Variants in ABCC9 observed in about 807,000 individuals in gnomAD.
ABCC9 encodes the protein ATP binding cassette subfamily C member 9.
ABCC9 carries 95 observed loss-of-function variants against 188.3 expected under a neutral mutation model. The observed-to-expected ratio is 0.50, with a 90% confidence interval of 0.43 to 0.60. The LOEUF (loss-of-function observed/expected upper bound fraction) is 0.60, where lower values mean the gene tolerates loss of function less well. ABCC9 is among the 20% of genes least tolerant of loss of function. The pLI, the probability that ABCC9 is intolerant of heterozygous loss-of-function variation, is 0.00. For synonymous variants in ABCC9, 659 were observed against 652.7 expected (o/e 1.01, Z -0.15); for missense variants, 1,102 against 1,876.3 (o/e 0.59, Z 7.62).
At chr12:21,896,919 C>G (rs1422847944) in intron 12 of ABCC9, among the ~76,000 whole-genome samples, 1 of 152,138 alleles carries the variant, frequency 6.6e-6, no homozygotes, top group Non-Finnish European at 1.5e-5. Context: ...GATTTACATT[C>G]CTTTGGGTAT....
chr12:21,816,036 GTTTTTTTTTTTTTTTTTT>G (rs10611051), intron 33 of ABCC9, 143 bp from the exon 34 acceptor site: 1,116 of 58,112 alleles, frequency 0.019, 10 homozygotes, highest in African/African-American at 0.059. Flanking sequence ...CTATGTGGCA[GTTTTTTTTTTTTTTTTTT>G]TTTTTTTTTT....
intron 22 of ABCC9, among the ~76,000 whole-genome samples, chr12:21,857,570 A>G (rs1037236831): frequency 6.6e-6 from 1 of 152,142 alleles, no homozygotes; most frequent in Non-Finnish European, 1.5e-5. Flanking sequence ...TGCAGATGTA[A>G]TTAAGACTAA....
At chr12:21,804,221 A>G (rs767298173) in intron 39 of ABCC9, among the ~76,000 whole-genome samples, 1 of 152,228 alleles carries the variant, frequency 6.6e-6, no homozygotes, top group Admixed American at 6.5e-5. Flanking sequence ...TATTCAGTGA[A>G]TGTAGAAGAG....
At chr12:21,851,071 T>A (rs1944940240) in intron 24 of ABCC9, among the ~76,000 whole-genome samples, 1 of 152,082 alleles carries the variant, frequency 6.6e-6, no homozygotes, top group Non-Finnish European at 1.5e-5. Flanking sequence ...AGACAGATCC[T>A]TTATTTTCTT....
chr12:21,817,096 A>G (rs1243658833), intron 33 of ABCC9, 91 bp downstream of exon 33: 3 of 1,436,258 alleles, frequency 2.1e-6, no homozygotes, highest in Admixed American at 3.4e-5. Context: ...TGAAGTGGAA[A>G]GCAAAAGCAG....
chr12:21,832,403 A>C (rs991555819), intron 30 of ABCC9, among the ~76,000 whole-genome samples: 4 of 152,152 alleles, frequency 2.6e-5, no homozygotes, highest in Non-Finnish European at 4.4e-5. Context: ...AGACACAATC[A>C]ATTCCTGACC....
intron 5 of ABCC9, among the ~76,000 whole-genome samples, chr12:21,918,658 C>T (rs1156992935): frequency 1.3e-5 from 2 of 152,114 alleles, no homozygotes; most frequent in Non-Finnish European, 2.9e-5. Flanking sequence ...CAATTGGGTT[C>T]TCTATTCCAG....
intron 6 of ABCC9, 117 bp downstream of exon 6, chr12:21,916,820 A>G (rs1174010624): frequency 1.1e-6 from 1 of 884,588 alleles, no homozygotes; most frequent in Non-Finnish European, 1.7e-6. Context: ...ATATTTATAT[A>G]TATAAATCAA....
intron 15 of ABCC9, 79 bp from the exon 16 acceptor site, chr12:21,882,952 C>T: frequency 1.9e-6 from 2 of 1,032,098 alleles, no homozygotes; most frequent in South Asian, 2.6e-5. Flanking sequence ...ACTCACATTG[C>T]TACCTAAGTT....
At chr12:21,807,581 G>A in intron 37 of ABCC9, 102 bp from the exon 38 acceptor site, 6 of 1,507,788 alleles carry the variant, frequency 4.0e-6, no homozygotes, top group Non-Finnish European at 5.5e-6. Context: ...ACAGCATGAT[G>A]GATATCACTT....
intron 10 of ABCC9, 82 bp downstream of exon 10, chr12:21,910,074 CT>C: frequency 7.5e-7 from 1 of 1,342,016 alleles, no homozygotes; most frequent in South Asian, 1.2e-5. Context: ...AACTATACAC[CT>C]TTTACAGAGC....
intron 21 of ABCC9, among the ~76,000 whole-genome samples, chr12:21,860,024 T>C (rs2137498623): frequency 6.6e-6 from 1 of 152,218 alleles, no homozygotes; most frequent in East Asian, 1.9e-4. Flanking sequence ...CCAAATTTGA[T>C]ATTATGAGTT....
At chr12:21,899,028 A>G (rs1338027620) in intron 12 of ABCC9, among the ~76,000 whole-genome samples, 1 of 152,180 alleles carries the variant, frequency 6.6e-6, no homozygotes, top group Non-Finnish European at 1.5e-5. Context: ...AAGTTAAAAA[A>G]CTGCAAATAT....
At chr12:21,863,316 G>T (rs1482156596) in intron 19 of ABCC9, among the ~76,000 whole-genome samples, 1 of 20,134 alleles carries the variant, frequency 5.0e-5, no homozygotes, top group African/African-American at 1.4e-4. Flanking sequence ...AGTGTTTTAT[G>T]GTCTAAACAA....
At chr12:21,818,378 G>A (rs1942799427) in intron 31 of ABCC9, 127 bp from the exon 32 acceptor site, 1 of 757,402 alleles carries the variant, frequency 1.3e-6, no homozygotes, top group Non-Finnish European at 2.3e-6. Context: ...AAGTTTCAGA[G>A]GAAGAATACC....
intron 18 of ABCC9, among the ~76,000 whole-genome samples, chr12:21,868,873 C>A (rs1006165996): frequency 2.6e-5 from 4 of 151,886 alleles, no homozygotes; most frequent in South Asian, 2.1e-4. Flanking sequence ...TAGTTATATG[C>A]CTTTATTGGA....
chr12:21,900,085 C>A (rs192707130), intron 12 of ABCC9, among the ~76,000 whole-genome samples: 20 of 152,286 alleles, frequency 1.3e-4, no homozygotes, highest in African/African-American at 3.1e-4. Context: ...ACACCTCACA[C>A]GGCCGGGTAC....
chr12:21,843,226 T>C (rs983852564), intron 28 of ABCC9, among the ~76,000 whole-genome samples: 1 of 152,220 alleles, frequency 6.6e-6, no homozygotes, highest in African/African-American at 2.4e-5. Context: ...CTATGCTATA[T>C]GCATTTGCTT....
At chr12:21,890,537 A>C (rs1302232566) in intron 14 of ABCC9, among the ~76,000 whole-genome samples, 1 of 152,192 alleles carries the variant, frequency 6.6e-6, no homozygotes, top group Non-Finnish European at 1.5e-5. Flanking sequence ...ATTCTATGAA[A>C]GAGTCACTAC....
Sources: allele counts gnomAD v4.1 joint callset (sites outside exome capture counted in the v4.1 genomes callset), GRCh38; gene constraint gnomAD v4.1.1; transcripts MANE v1.5; gene names NCBI Gene and HGNC (gene_info 2026-07-23, HGNC 2026-07-21).